Variants in FAM184A observed in about 807,000 individuals in gnomAD.
FAM184A encodes protein FAM184A.
Under a neutral mutation model 143.8 loss-of-function variants are expected in FAM184A, and 99 were observed. The observed-to-expected ratio is 0.69, with a 90% CI of 0.58 to 0.81. The LOEUF (loss-of-function observed/expected upper bound fraction) is 0.81. Ranked by LOEUF, FAM184A falls within the 40% of genes least tolerant of loss-of-function variation. The pLI is 0.00. For missense variants in FAM184A, 1,217 were observed against 1,310.5 expected (o/e 0.93, Z 1.10); for synonymous variants, 427 against 446.4 (o/e 0.96, Z 0.55).
At chr6:119,043,593 TAGGGTA>T (rs1245390124) in intron 1 of FAM184A, among the ~76,000 whole-genome samples, 2 of 151,130 alleles carry the variant, frequency 1.3e-5, no homozygotes, top group Non-Finnish European at 2.9e-5. Context: ...CATAAGCTAC[TAGGGTA>T]AGGGCAACAA....
At chr6:119,147,609 C>T (rs1772495251) in intron 1 of FAM184A, among the ~76,000 whole-genome samples, 1 of 152,156 alleles carries the variant, frequency 6.6e-6, no homozygotes, top group South Asian at 2.1e-4. Flanking sequence ...AATAAATAAC[C>T]CAGGAAGTCA....
At chr6:119,092,083 G>A (rs980100649) in intron 1 of FAM184A, among the ~76,000 whole-genome samples, 16 of 152,164 alleles carry the variant, frequency 1.1e-4, no homozygotes, top group Admixed American at 9.2e-4. Context: ...ATGAAGATGT[G>A]CATGTTCATT....
chr6:119,102,813 G>GAAAAT (rs1788679556), intron 1 of FAM184A, among the ~76,000 whole-genome samples: 2 of 116,216 alleles, frequency 1.7e-5, no homozygotes, highest in African/African-American at 3.2e-5. Flanking sequence ...AAAAAGAAAA[G>GAAAAT]AAAAAAGAAA....
chr6:118,979,670 A>G, intron 10 of FAM184A, 152 bp from the exon 11 acceptor site: 1 of 618,880 alleles, frequency 1.6e-6, no homozygotes. Context: ...GATAATCAAC[A>G]TTAGAAAAAA....
rs868284858 is a variant in FAM184A, at chr6:119,049,786, T to C, written c.160-24973A>G. Among the ~76,000 whole-genome samples the C allele has an allele frequency of 1.3e-4, 20 of 152,314 alleles. No individual in the cohort carries two copies. In the South Asian group the frequency reaches 3.7e-3, roughly 28 times the overall value. ...GACACAGGAATGGGCAAAGGTTCCATGACAAGGACACCAAAAACAATCACG... is the reference window on the plus strand; with the variant it reads ...GACACAGGAATGGGCAAAGGTTCCACGACAAGGACACCAAAAACAATCACG... On this transcript the variant is annotated intron_variant, in intron 1 of 17. Transcript: ENST00000338891.
At chr6:118,979,231 A>T (rs1402393757) in intron 11 of FAM184A, 134 bp downstream of exon 11, 17 of 790,246 alleles carry the variant, frequency 2.2e-5, no homozygotes, top group Non-Finnish European at 3.3e-5. Flanking sequence ...CTTCAAATAA[A>T]ATATGCAGTA....
intron 1 of FAM184A, among the ~76,000 whole-genome samples, chr6:119,072,531 C>A (rs749503097): frequency 3.3e-5 from 5 of 152,142 alleles, no homozygotes; most frequent in Non-Finnish European, 7.4e-5. Context: ...AGTGAAAAAT[C>A]ATTTATTTCA....
At chr6:119,095,359 G>A (rs1445209094) in intron 1 of FAM184A, among the ~76,000 whole-genome samples, 2 of 152,116 alleles carry the variant, frequency 1.3e-5, no homozygotes, top group Admixed American at 6.6e-5. Flanking sequence ...TTCCTGTTAG[G>A]TGTTCTTTTT....
chr6:118,985,699 C>T (rs1475057760), intron 9 of FAM184A, among the ~76,000 whole-genome samples: 1 of 152,172 alleles, frequency 6.6e-6, no homozygotes, highest in Non-Finnish European at 1.5e-5. Context: ...AAGCCCCTCT[C>T]GTAGCACCTA....
chr6:119,073,164 C>T (rs966190005), intron 1 of FAM184A, among the ~76,000 whole-genome samples: 2 of 152,190 alleles, frequency 1.3e-5, no homozygotes, highest in African/African-American at 4.8e-5. Flanking sequence ...TGCTAACGCA[C>T]AGCAAGGAAA....
At chr6:119,083,598 C>G (rs972266285), upstream of FAM184A, among the ~76,000 whole-genome samples, 1 of 152,130 alleles carries the variant, frequency 6.6e-6, no homozygotes, top group African/African-American at 2.4e-5. Flanking sequence ...CCACAGATCT[C>G]TAGGGCAGGG....
chr6:119,128,092 A>G (rs778606597), intron 1 of FAM184A, among the ~76,000 whole-genome samples: 1 of 152,068 alleles, frequency 6.6e-6, no homozygotes, highest in African/African-American at 2.4e-5. Context: ...TTTAGGCACA[A>G]CTGACTACCA....
chr6:119,116,271 G>A (rs763897475), intron 1 of FAM184A, among the ~76,000 whole-genome samples: 16 of 151,922 alleles, frequency 1.1e-4, no homozygotes, highest in Non-Finnish European at 1.8e-4. Context: ...ACCAGATACC[G>A]CATGTCCTCA....
chr6:119,107,819 G>A (rs1314108693), intron 1 of FAM184A, among the ~76,000 whole-genome samples: 1 of 150,708 alleles, frequency 6.6e-6, no homozygotes, highest in Non-Finnish European at 1.5e-5. Flanking sequence ...AGAGTTCAGA[G>A]TTCATTGGTC....
chr6:119,126,434 G>C (rs762146783), intron 1 of FAM184A, among the ~76,000 whole-genome samples: 3 of 152,216 alleles, frequency 2.0e-5, no homozygotes, highest in African/African-American at 7.2e-5. Context: ...ACTGGAGCTA[G>C]CTAGCTGCTT....
intron 9 of FAM184A, among the ~76,000 whole-genome samples, chr6:118,984,791 GC>G (rs1017319958): frequency 6.6e-6 from 1 of 152,132 alleles, no homozygotes; most frequent in Admixed American, 6.5e-5. Flanking sequence ...CTCAAACCTG[GC>G]TGTGTATCAG....
intron 6 of FAM184A, among the ~76,000 whole-genome samples, chr6:119,007,320 T>C (rs1222505619): frequency 1.3e-5 from 2 of 152,178 alleles, no homozygotes; most frequent in East Asian, 3.8e-4. Context: ...AAGTTGAAAT[T>C]GGTAATTTAA....
At chr6:119,115,970 AAC>A (rs66707302) in intron 1 of FAM184A, among the ~76,000 whole-genome samples, 5,683 of 136,962 alleles carry the variant, frequency 0.041, 134 homozygotes, top group East Asian at 0.072. Flanking sequence ...CTCCGTCTCA[AAC>A]ACACACACAC....
chr6:119,038,748 G>A (rs765686410), intron 1 of FAM184A, among the ~76,000 whole-genome samples: 4 of 151,988 alleles, frequency 2.6e-5, no homozygotes, highest in Admixed American at 6.6e-5. Flanking sequence ...TTTGCACTAC[G>A]GACCGGCCCT....
Sources: gnomAD v4.1 joint callset for allele counts (sites outside exome capture counted in the v4.1 genomes callset) on GRCh38, gnomAD v4.1.1 for gene constraint, MANE v1.5 for transcripts, NCBI Gene and HGNC (gene_info 2026-07-23, HGNC 2026-07-21) for gene names.